Variants in ANO2 observed in about 807,000 individuals in gnomAD.
The protein encoded by ANO2 is anoctamin-2.
Under a neutral mutation model 124.2 loss-of-function variants are expected in ANO2, and 101 were observed. The ratio of observed to expected loss-of-function variants is 0.81; its 90% CI spans 0.69 to 0.96. The LOEUF (loss-of-function observed/expected upper bound fraction) is 0.96. Among genes scored for constraint, ANO2 ranks in the 40% least tolerant of loss-of-function variants. The pLI, the probability that ANO2 is intolerant of heterozygous loss-of-function variation, is 0.00. For missense variants in ANO2, 1,293 were observed against 1,274.5 expected, an observed-to-expected ratio of 1.01 and a Z score of -0.22; for synonymous variants, 486 against 482.5, an observed-to-expected ratio of 1.01 and a Z score of -0.09.
chr12:5,692,765 G>T (rs542633601), intron 14 of ANO2, among the ~76,000 whole-genome samples: 1 of 152,302 alleles, frequency 6.6e-6, no homozygotes, highest in South Asian at 2.1e-4. Context: ...GCTGTCCCCT[G>T]CGCCCCGTAG....
At chr12:5,831,885 C>T (rs1003523455) in intron 5 of ANO2, among the ~76,000 whole-genome samples, 5 of 152,158 alleles carry the variant, frequency 3.3e-5, no homozygotes, top group Non-Finnish European at 5.9e-5. Flanking sequence ...GGCTGCATCT[C>T]CCACTTCCCA....
chr12:5,657,279 G>T (rs1435439220), intron 14 of ANO2, among the ~76,000 whole-genome samples: 4 of 152,124 alleles, frequency 2.6e-5, no homozygotes, highest in African/African-American at 9.7e-5. Context: ...GCAGTAGTTT[G>T]TTCCAAAGTC....
chr12:5,844,108 A>G (rs1249351949), intron 4 of ANO2, among the ~76,000 whole-genome samples: 2 of 152,218 alleles, frequency 1.3e-5, no homozygotes, highest in Non-Finnish European at 2.9e-5. Context: ...AAGGATGAGT[A>G]GTATATGTTT....
intron 3 of ANO2, among the ~76,000 whole-genome samples, chr12:5,863,881 C>T (rs1403449269): frequency 6.6e-6 from 1 of 151,970 alleles, no homozygotes; most frequent in Admixed American, 6.6e-5. Flanking sequence ...TATTCGTTAG[C>T]TTTTAATTAA....
At chr12:5,742,870 T>G (rs1204735165) in intron 12 of ANO2, among the ~76,000 whole-genome samples, 1 of 152,028 alleles carries the variant, frequency 6.6e-6, no homozygotes, top group African/African-American at 2.4e-5. Flanking sequence ...TTCAGTGTGT[T>G]CTACCAACCC....
chr12:5,851,466 T>C (rs1000177446), intron 4 of ANO2, among the ~76,000 whole-genome samples: 1 of 151,848 alleles, frequency 6.6e-6, no homozygotes, highest in African/African-American at 2.4e-5. Context: ...GGCGGGCAGA[T>C]CATGAGATCA....
chr12:5,693,880 C>G (rs947662516), intron 14 of ANO2, among the ~76,000 whole-genome samples: 4 of 151,176 alleles, frequency 2.6e-5, no homozygotes, highest in African/African-American at 9.7e-5. Context: ...CCAGAGAGAC[C>G]ATTCCCGGAG....
At chr12:5,872,945 C>T (rs1428272863) in intron 3 of ANO2, among the ~76,000 whole-genome samples, 1 of 152,062 alleles carries the variant, frequency 6.6e-6, no homozygotes, top group Non-Finnish European at 1.5e-5. Flanking sequence ...AACACTGCTC[C>T]CTGGTGTACA....
chr12:5,640,751 T>C lies in ANO2; in HGVS notation c.1621-5404A>G, dbSNP rs190931841. Reference sequence around the variant, plus strand: ...AGATGCTGGAGAGGATGCGGAGAAATAGGAACACTTTTACACTGTTGGTGG... The same window carrying C: ...AGATGCTGGAGAGGATGCGGAGAAACAGGAACACTTTTACACTGTTGGTGG... On this transcript the variant is annotated intron_variant, in intron 15 of 24. Coordinates refer to ENST00000682330, the MANE Select transcript of ANO2 (RefSeq NM_001364791.2). 1.1e-3 allele frequency among the ~76,000 whole-genome samples: 161 copies of C among 152,226 alleles called. 2 individuals carry two copies. Among genetic ancestry groups the C allele is most frequent in the African/African-American group, 3.7e-3 (154 of 41,536 alleles).
chr12:5,701,931 G>A (rs531534076), intron 14 of ANO2, among the ~76,000 whole-genome samples: 9 of 152,120 alleles, frequency 5.9e-5, no homozygotes, highest in Admixed American at 2.0e-4. Flanking sequence ...GCTAAAACTC[G>A]ATTATGGATA....
intron 23 of ANO2, among the ~76,000 whole-genome samples, chr12:5,566,505 T>C (rs924966358): frequency 1.3e-5 from 2 of 152,176 alleles, no homozygotes; most frequent in African/African-American, 4.8e-5. Flanking sequence ...ACCAGAACTA[T>C]GACCCTTCCT....
At position 5,925,577 on chromosome 12, in the gene ANO2, A is replaced by C. The variant is rs943683637; in HGVS notation, c.23-2773T>G. Among the ~76,000 whole-genome samples, 1 of 152,222 alleles carries C rather than the reference A, an allele frequency of 6.6e-6. No homozygotes were observed. The highest frequency in any genetic ancestry group is 1.5e-5 in the Non-Finnish European group (1 of 68,028). On this transcript the variant is annotated intron_variant, in intron 1 of 24. Transcript: ENST00000682330. The surrounding 1 kb of genome is among the most constrained non-coding windows in gnomAD (Gnocchi z 4.6). ...GTGACGCCTGCCCTCAGGAAGGGGAAGGGTGAGGCAGGTGAGCACACACCT... is the reference window on the plus strand; with the variant it reads ...GTGACGCCTGCCCTCAGGAAGGGGACGGGTGAGGCAGGTGAGCACACACCT...
At chr12:5,591,457 G>A (rs191425169) in intron 20 of ANO2, among the ~76,000 whole-genome samples, 1 of 152,332 alleles carries the variant, frequency 6.6e-6, no homozygotes, top group Non-Finnish European at 1.5e-5. Context: ...ACCGACTTTA[G>A]TCTTCTTTCC....
chr12:5,666,973 C>T (rs1179693013), intron 14 of ANO2, among the ~76,000 whole-genome samples: 9 of 152,328 alleles, frequency 5.9e-5, no homozygotes, highest in Non-Finnish European at 1.0e-4. Context: ...GCTCAAGCCT[C>T]AGTAAAAACT....
At chr12:5,682,650 C>A (rs1207495749) in intron 14 of ANO2, among the ~76,000 whole-genome samples, 1 of 152,110 alleles carries the variant, frequency 6.6e-6, no homozygotes, top group Non-Finnish European at 1.5e-5. Flanking sequence ...TTGGAAGAGC[C>A]CTGTATGTGA....
intron 11 of ANO2, among the ~76,000 whole-genome samples, 167 bp downstream of exon 11, chr12:5,750,669 G>A (rs1170633199): frequency 6.6e-6 from 1 of 152,222 alleles, no homozygotes; most frequent in Admixed American, 6.5e-5. Context: ...CCCAGAATCT[G>A]TAGCTCCTAG....
At chr12:5,872,424 C>G (rs897457220) in intron 3 of ANO2, among the ~76,000 whole-genome samples, 2 of 152,104 alleles carry the variant, frequency 1.3e-5, no homozygotes, top group African/African-American at 4.8e-5. Context: ...GTACTGGAGG[C>G]TGATGAATAT....
chr12:5,847,312 T>C (rs1954713346), intron 4 of ANO2, among the ~76,000 whole-genome samples: 1 of 152,196 alleles, frequency 6.6e-6, no homozygotes, highest in African/African-American at 2.4e-5. Context: ...CTTCATTGGC[T>C]TTCCTAGTTC....
intron 10 of ANO2, among the ~76,000 whole-genome samples, chr12:5,766,410 G>A (rs1031924746): frequency 6.6e-6 from 1 of 152,174 alleles, no homozygotes; most frequent in African/African-American, 2.4e-5. Flanking sequence ...CCACACAAGT[G>A]AATCCCACAA....
Sources: allele counts gnomAD v4.1 joint callset (sites outside exome capture counted in the v4.1 genomes callset), GRCh38; gene constraint gnomAD v4.1.1; non-coding constraint Gnocchi (gnomAD v3.1); transcripts MANE v1.5; gene names NCBI Gene and HGNC (gene_info 2026-07-23, HGNC 2026-07-21).